Variants in IL6R observed in about 807,000 individuals in gnomAD.
IL6R encodes the protein interleukin-6 receptor subunit alpha.
In IL6R, 38 loss-of-function variants were observed where a neutral mutation model predicts 48.3. That is an observed-to-expected ratio of 0.79 (90% confidence interval 0.61 to 1.03). The LOEUF is 1.03. Ranked by LOEUF, IL6R falls within the 50% of genes least tolerant of loss-of-function variation. The pLI, the probability that IL6R is intolerant of heterozygous loss-of-function variation, is 0.00. For missense variants in IL6R, 534 were observed against 618.3 expected, an observed-to-expected ratio of 0.86 and a Z score of 1.45; for synonymous variants, 264 against 256.2, an observed-to-expected ratio of 1.03 and a Z score of -0.29.
chr1:154,425,247 T>C (rs1688899887), intron 1 of IL6R, among the ~76,000 whole-genome samples: 2 of 152,022 alleles, frequency 1.3e-5, no homozygotes, highest in African/African-American at 4.8e-5. Context: ...GGTGGTCTCC[T>C]CCCTTAGTGA....
intron 1 of IL6R, among the ~76,000 whole-genome samples, chr1:154,407,709 T>C (rs1232851607): frequency 6.6e-6 from 1 of 152,050 alleles, no homozygotes; most frequent in Admixed American, 6.6e-5. Flanking sequence ...CCTGCGGGGC[T>C]CTTAGAGCCC....
chr1:154,436,409 C>T (rs1689632887), intron 6 of IL6R, among the ~76,000 whole-genome samples: 2 of 152,142 alleles, frequency 1.3e-5, no homozygotes, highest in South Asian at 2.1e-4. Flanking sequence ...ACCCAGGAGG[C>T]GGAGGTTGCA....
At chr1:154,410,825 A>G (rs1389544140) in intron 1 of IL6R, among the ~76,000 whole-genome samples, 1 of 151,872 alleles carries the variant, frequency 6.6e-6, no homozygotes, top group African/African-American at 2.4e-5. Flanking sequence ...CCACTTCCCA[A>G]CCGCTTTCCC....
At chr1:154,459,756 T>G (rs972872409) in intron 9 of IL6R, among the ~76,000 whole-genome samples, 2 of 152,216 alleles carry the variant, frequency 1.3e-5, no homozygotes, top group African/African-American at 2.4e-5. Context: ...CCCCCACTGA[T>G]TCTCTGTATT....
At chr1:154,446,864 C>A (rs1465743212) in intron 6 of IL6R, among the ~76,000 whole-genome samples, 1 of 152,150 alleles carries the variant, frequency 6.6e-6, no homozygotes, top group African/African-American at 2.4e-5. Context: ...ATGATATATA[C>A]TGTGTTACAC....
Position 154,467,478 on chromosome 1 carries a change from C to G in IL6R, c.*2098C>G, listed in dbSNP as rs1270752756. ...GACAGGTGCGAAAGGATGAAAGTGACCATGTTTTGTTTACGGTTTTCCAGG... is the reference window on the plus strand; with the variant it reads ...GACAGGTGCGAAAGGATGAAAGTGAGCATGTTTTGTTTACGGTTTTCCAGG... On this transcript the variant is annotated 3_prime_UTR_variant, in exon 10 of 10. Transcript: ENST00000368485. 1 of 152,238 alleles carries G rather than the reference C, an allele frequency of 6.6e-6. No individual in the cohort carries two copies. The highest frequency in any genetic ancestry group is 6.5e-5 in the Admixed American group (1 of 15,290). The allele number at this position is 152,238 out of a possible 1,614,324, so 9.4% of individuals were successfully genotyped here.
chr1:154,434,948 A>G (rs1689526125), intron 4 of IL6R, 42 bp from the exon 5 acceptor site: 3 of 1,606,580 alleles, frequency 1.9e-6, no homozygotes, highest in Middle Eastern at 2.0e-4. Context: ...TCTCTACACT[A>G]TATTTGGTGC....
chr1:154,440,481 GTTT>G (rs1206060177), intron 6 of IL6R, among the ~76,000 whole-genome samples: 1 of 152,050 alleles, frequency 6.6e-6, no homozygotes, highest in Admixed American at 6.6e-5. Context: ...ATGCCATGCC[GTTT>G]TCCACAGTGG....
Position 154,465,593 on chromosome 1 carries a change from C to A in IL6R, c.*213C>A. ...GGTTTCAAACCTCCCTTTCCAAATG[C>A]CCAGCTTAAAGGGGCTAGAGTGAAC... On this transcript the variant is annotated 3_prime_UTR_variant, in exon 10 of 10. Coordinates refer to ENST00000368485, the MANE Select transcript of IL6R (RefSeq NM_000565.4). 1.7e-6 allele frequency: 1 copy of A among 602,056 alleles called. No homozygotes were observed. Among genetic ancestry groups the A allele is most frequent in the East Asian group, 2.8e-5 (1 of 35,558 alleles). The allele number at this position is 602,056 out of a possible 1,614,324, so 37.3% of individuals were successfully genotyped here.
intron 1 of IL6R, among the ~76,000 whole-genome samples, chr1:154,411,752 C>G (rs2149206125): frequency 6.6e-6 from 1 of 152,084 alleles, no homozygotes; most frequent in African/African-American, 2.4e-5. Context: ...TCTGTCATCC[C>G]AGTGCTTTAG....
At chr1:154,443,140 T>C (rs929193143) in intron 6 of IL6R, among the ~76,000 whole-genome samples, 1 of 152,178 alleles carries the variant, frequency 6.6e-6, no homozygotes, top group Non-Finnish European at 1.5e-5. Context: ...TTCTCACAAA[T>C]AATCCCTTTA....
At chr1:154,442,049 C>T (rs1689966776) in intron 6 of IL6R, among the ~76,000 whole-genome samples, 1 of 152,084 alleles carries the variant, frequency 6.6e-6, no homozygotes, top group South Asian at 2.1e-4. Context: ...GAGAGTGGGA[C>T]CAGGGGCATC....
chr1:154,439,640 G>C (rs1159611424), intron 6 of IL6R, among the ~76,000 whole-genome samples: 1 of 152,162 alleles, frequency 6.6e-6, no homozygotes, highest in Non-Finnish European at 1.5e-5. Context: ...TAAGTGCACA[G>C]CTCTGTGGCA....
rs1051190292 is a variant in IL6R, at chr1:154,468,911, C to G, written c.*3531C>G. ...CTTAATTTGGAGATGCAGGGGCAAC[C>G]TGTGACCCTTTGAGGCAAGAGCCCT... is the stretch of plus-strand genomic sequence containing the variant. On this transcript the variant is annotated 3_prime_UTR_variant, in exon 10 of 10. Coordinates refer to ENST00000368485, the MANE Select transcript of IL6R (RefSeq NM_000565.4). 6 of 152,264 alleles carry G rather than the reference C, an allele frequency of 3.9e-5. No individual in the cohort carries two copies. Among genetic ancestry groups the G allele is most frequent in the African/African-American group, 7.2e-5 (3 of 41,442 alleles). 9.4% of individuals were successfully genotyped at this position (152,264 alleles called of 1,614,324 possible). A position where few individuals can be genotyped will look rare whatever the true frequency, so the allele number is the denominator to read the frequency against.
intron 9 of IL6R, among the ~76,000 whole-genome samples, chr1:154,455,077 C>G (rs1690797234): frequency 6.6e-6 from 1 of 152,140 alleles, no homozygotes; most frequent in Admixed American, 6.5e-5. Flanking sequence ...CCCTGCCTAG[C>G]TAATTTTTCT....
chr1:154,453,660 G>C (rs555643508), intron 8 of IL6R, among the ~76,000 whole-genome samples: 7 of 152,324 alleles, frequency 4.6e-5, no homozygotes, highest in Middle Eastern at 3.4e-3. Context: ...TCGGCACTGT[G>C]TAAGCTGCTG....
intron 8 of IL6R, 165 bp from the exon 9 acceptor site, chr1:154,454,323 G>A: frequency 1.6e-6 from 1 of 607,782 alleles, no homozygotes; most frequent in Non-Finnish European, 2.9e-6. Flanking sequence ...TTGTCAAATG[G>A]CCTGTTGGTT....
intron 6 of IL6R, among the ~76,000 whole-genome samples, chr1:154,440,655 C>CTTTTT (rs35390021): frequency 1.5e-5 from 2 of 134,970 alleles, no homozygotes; most frequent in South Asian, 2.3e-4. Flanking sequence ...TGATTAATGT[C>CTTTTT]TTTTTTTTTT....
chr1:154,444,912 A>G (rs1690132258), intron 6 of IL6R: 2 of 379,358 alleles, frequency 5.3e-6, no homozygotes, highest in South Asian at 3.8e-5. Context: ...TAACAACAAA[A>G]AGACTCCTTA....
Sources: gnomAD v4.1 joint callset for allele counts (sites outside exome capture counted in the v4.1 genomes callset) on GRCh38, gnomAD v4.1.1 for gene constraint, MANE v1.5 for transcripts, NCBI Gene and HGNC (gene_info 2026-07-23, HGNC 2026-07-21) for gene names.